Variants in DISC1 observed in about 807,000 individuals in gnomAD.
DISC1 encodes disrupted in schizophrenia 1 protein.
Under a neutral mutation model 84.5 loss-of-function variants are expected in DISC1, and 57 were observed. That is an observed-to-expected ratio of 0.67 (90% CI 0.55 to 0.84). The LOEUF (loss-of-function observed/expected upper bound fraction) is 0.84, where lower values mean the gene tolerates loss of function less well. DISC1 is among the 40% of genes least tolerant of loss of function. DISC1 has a pLI of 0.00. For missense variants in DISC1, 1,000 were observed against 1,057.8 expected, an observed-to-expected ratio of 0.95 and a Z score of 0.76; for synonymous variants, 411 against 415.2, an observed-to-expected ratio of 0.99 and a Z score of 0.12.
chr1:231,803,238 G>C (rs1416045700), intron 8 of DISC1, among the ~76,000 whole-genome samples: 1 of 152,164 alleles, frequency 6.6e-6, no homozygotes, highest in Non-Finnish European at 1.5e-5. Flanking sequence ...CAACATGGCT[G>C]CTGGGTTCCA....
intron 12 of DISC1, among the ~76,000 whole-genome samples, chr1:232,033,887 A>G (rs958583556): frequency 6.6e-6 from 1 of 152,324 alleles, no homozygotes; most frequent in East Asian, 1.9e-4. Flanking sequence ...AGAGGTCACT[A>G]CTTTGTCCTC....
intron 9 of DISC1, among the ~76,000 whole-genome samples, chr1:231,888,883 C>CCCCT (rs1574419477): frequency 6.6e-6 from 1 of 152,216 alleles, no homozygotes; most frequent in East Asian, 1.9e-4. Flanking sequence ...TGGGCACTTT[C>CCCCT]CCCTGAGTTT....
At chr1:231,855,353 TA>T (rs2084196228) in intron 9 of DISC1, 1 of 981,582 alleles carries the variant, frequency 1.0e-6, no homozygotes, top group South Asian at 4.7e-5. Flanking sequence ...AACAGTACAT[TA>T]AAAAGACAAA....
At chr1:231,755,200 C>T (rs2074997171) in intron 4 of DISC1, among the ~76,000 whole-genome samples, 1 of 151,814 alleles carries the variant, frequency 6.6e-6, no homozygotes, top group African/African-American at 2.4e-5. Flanking sequence ...TCCTTCTCTC[C>T]CTTTCTTCTT....
At chr1:231,952,554 T>C (rs2102710277) in intron 9 of DISC1, among the ~76,000 whole-genome samples, 1 of 152,150 alleles carries the variant, frequency 6.6e-6, no homozygotes, top group South Asian at 2.1e-4. Flanking sequence ...CAAAATCTTT[T>C]AGTAAAATCA....
chr1:231,974,263 A>G (rs1411331173), intron 10 of DISC1, among the ~76,000 whole-genome samples: 2 of 152,158 alleles, frequency 1.3e-5, no homozygotes, highest in Admixed American at 1.3e-4. Context: ...GCATCACCTC[A>G]GAGTTTGAGC....
chr1:231,791,524 A>T (rs1054026581), intron 6 of DISC1, among the ~76,000 whole-genome samples: 1 of 152,232 alleles, frequency 6.6e-6, no homozygotes, highest in African/African-American at 2.4e-5. Context: ...AGTGTCTGGT[A>T]CATAGTAAGT....
At chr1:231,678,283 G>A (rs2063350210) in intron 1 of DISC1, among the ~76,000 whole-genome samples, 1 of 152,220 alleles carries the variant, frequency 6.6e-6, no homozygotes, top group African/African-American at 2.4e-5. Flanking sequence ...GGACGAATGT[G>A]TTATTTACAC....
chr1:231,742,523 A>C (rs1303235235), intron 3 of DISC1, among the ~76,000 whole-genome samples: 1 of 152,156 alleles, frequency 6.6e-6, no homozygotes, highest in African/African-American at 2.4e-5. Context: ...CTGCAATCCT[A>C]ACACTTTGGG....
At chr1:231,919,001 GCTC>G (rs1195771660) in intron 9 of DISC1, among the ~76,000 whole-genome samples, 2 of 152,096 alleles carry the variant, frequency 1.3e-5, no homozygotes, top group Non-Finnish European at 2.9e-5. Context: ...CTTCCATGAA[GCTC>G]CTCAATTTTA....
chr1:231,668,872 A>G (rs2062284689), intron 1 of DISC1, among the ~76,000 whole-genome samples: 1 of 152,210 alleles, frequency 6.6e-6, no homozygotes, highest in Admixed American at 6.5e-5. Context: ...ACTGTGACAG[A>G]CAACACACAA....
chr1:231,997,214 C>G (rs1209253563), intron 10 of DISC1, among the ~76,000 whole-genome samples: 1 of 152,194 alleles, frequency 6.6e-6, no homozygotes, highest in East Asian at 1.9e-4. Context: ...TGCACATACT[C>G]TGTCCCATCA....
chr1:231,846,021 A>G (rs1169576204), intron 9 of DISC1, among the ~76,000 whole-genome samples: 1 of 152,020 alleles, frequency 6.6e-6, no homozygotes, highest in African/African-American at 2.4e-5. Flanking sequence ...GATGAGAGCA[A>G]TGAGAAGGAC....
chr1:231,645,862 G>A lies in DISC1; in HGVS notation c.67+18928G>A, dbSNP rs187685012. 1.5e-4 allele frequency among the ~76,000 whole-genome samples: 22 copies of A among 148,702 alleles called. 1 individual carries two copies. The highest frequency in any genetic ancestry group is 1.4e-3 in the East Asian group (7 of 4,968). ...TGAACTCATCCTTTTTTATGGCTGC[G>A]TAGTATTCCATGGTGTATATGTGCC... On this transcript the variant is annotated intron_variant, in intron 1 of 12. Coordinates refer to ENST00000439617, the MANE Select transcript of DISC1 (RefSeq NM_018662.3).
At chr1:231,627,144 G>A (rs1006392846) in intron 1 of DISC1, among the ~76,000 whole-genome samples, 4 of 152,228 alleles carry the variant, frequency 2.6e-5, no homozygotes, top group Non-Finnish European at 4.4e-5. Flanking sequence ...GCCGAGCCGG[G>A]CCAGGTCCCT....
chr1:231,880,760 G>C (rs990558333), intron 9 of DISC1, among the ~76,000 whole-genome samples: 3 of 151,932 alleles, frequency 2.0e-5, no homozygotes, highest in Admixed American at 6.6e-5. Context: ...GCAAGGTGGG[G>C]GGGGGGTGAA....
intron 11 of DISC1, among the ~76,000 whole-genome samples, chr1:232,014,894 T>G (rs1229440440): frequency 1.3e-5 from 2 of 152,254 alleles, no homozygotes; most frequent in African/African-American, 4.8e-5. Flanking sequence ...GTTTTCACAT[T>G]AATATTTCAT....
intron 9 of DISC1, among the ~76,000 whole-genome samples, chr1:231,839,883 G>A (rs970420891): frequency 6.6e-6 from 1 of 152,076 alleles, no homozygotes; most frequent in African/African-American, 2.4e-5. Context: ...ACCGGATCTT[G>A]TGTGAACTCA....
intron 9 of DISC1, among the ~76,000 whole-genome samples, chr1:231,869,632 G>C (rs899303920): frequency 6.6e-6 from 1 of 151,828 alleles, no homozygotes; most frequent in Non-Finnish European, 1.5e-5. Context: ...GGAGGTGCCA[G>C]GCTCTCTAGG....
Sources: gnomAD v4.1 joint callset for allele counts (sites outside exome capture counted in the v4.1 genomes callset) on GRCh38, gnomAD v4.1.1 for gene constraint, MANE v1.5 for transcripts, NCBI Gene and HGNC (gene_info 2026-07-23, HGNC 2026-07-21) for gene names.